LRP1B: variants seen among roughly 807,000 people sequenced by gnomAD.
The protein encoded by LRP1B is low-density lipoprotein receptor-related protein 1B.
Under a neutral mutation model 556.6 loss-of-function variants are expected in LRP1B, and 217 were observed. The observed-to-expected ratio is 0.39, with a 90% CI of 0.35 to 0.44. LRP1B has a LOEUF of 0.44. Among genes scored for constraint, LRP1B ranks in the 20% least tolerant of loss-of-function variants. The pLI, the probability that LRP1B is intolerant of heterozygous loss-of-function variation, is 1.00. For missense variants in LRP1B, 5,053 were observed against 5,620.8 expected (o/e 0.90, Z 3.23); for synonymous variants, 2,047 against 1,865.8 (o/e 1.10, Z -2.50).
At chr2:140,590,270 A>G (rs867962604) in intron 43 of LRP1B, among the ~76,000 whole-genome samples, 1 of 148,046 alleles carries the variant, frequency 6.8e-6, no homozygotes, top group Non-Finnish European at 1.5e-5. Context: ...TAATGTATAT[A>G]TGTATATATA....
chr2:142,044,840 G>A (rs1282400280), intron 1 of LRP1B, among the ~76,000 whole-genome samples: 1 of 151,594 alleles, frequency 6.6e-6, no homozygotes, highest in African/African-American at 2.4e-5. Context: ...ATACCTTTTA[G>A]CCTTGACCCA....
chr2:141,464,606 A>ATTTTTTTTTTTTTTTTTTTT (rs71391651), intron 3 of LRP1B, among the ~76,000 whole-genome samples: 39 of 90,528 alleles, frequency 4.3e-4, no homozygotes, highest in Non-Finnish European at 6.4e-4. Flanking sequence ...ATATATATAT[A>ATTTTTTTTTTTTTTTTTTTT]TTTTTTTAGT....
chr2:140,256,449 C>CTTT (rs764826231), intron 86 of LRP1B, among the ~76,000 whole-genome samples: 1 of 25,292 alleles, frequency 4.0e-5, no homozygotes, highest in African/African-American at 1.3e-4. Flanking sequence ...TTTTTCCTTC[C>CTTT]TTTTTTTTTT....
At chr2:141,688,304 G>A (rs551694297) in intron 2 of LRP1B, among the ~76,000 whole-genome samples, 13 of 151,704 alleles carry the variant, frequency 8.6e-5, no homozygotes, top group South Asian at 2.1e-4. Context: ...AACCGCTATT[G>A]TGCACAAAAT....
intron 43 of LRP1B, among the ~76,000 whole-genome samples, chr2:140,582,806 C>T (rs767919444): frequency 6.6e-6 from 1 of 152,114 alleles, no homozygotes; most frequent in African/African-American, 2.4e-5. Flanking sequence ...GAAGCATAAA[C>T]GGACTAAGAT....
At chr2:141,052,249 T>A (rs1186620131) in intron 10 of LRP1B, among the ~76,000 whole-genome samples, 1 of 151,986 alleles carries the variant, frequency 6.6e-6, no homozygotes, top group Non-Finnish European at 1.5e-5. Context: ...AATAATACTT[T>A]ATATTATTTT....
chr2:141,207,512 GTTA>G (rs1368747766), intron 6 of LRP1B, among the ~76,000 whole-genome samples: 2 of 152,080 alleles, frequency 1.3e-5, no homozygotes, highest in East Asian at 1.9e-4. Context: ...CTTTGTTGCT[GTTA>G]TTGTTTTCAG....
chr2:140,649,706 T>C (rs1316345448), intron 41 of LRP1B, among the ~76,000 whole-genome samples: 12 of 152,222 alleles, frequency 7.9e-5, no homozygotes, highest in Admixed American at 7.9e-4. Flanking sequence ...ATCACATTGG[T>C]TCCTCCTCAC....
chr2:141,083,244 T>A (rs895993383), intron 7 of LRP1B, among the ~76,000 whole-genome samples: 3 of 152,136 alleles, frequency 2.0e-5, no homozygotes, highest in Non-Finnish European at 4.4e-5. Context: ...ATTACTGTTG[T>A]TTGAGAAGTA....
intron 3 of LRP1B, among the ~76,000 whole-genome samples, chr2:141,301,307 T>C (rs1382537553): frequency 1.3e-5 from 2 of 152,200 alleles, no homozygotes; most frequent in Non-Finnish European, 2.9e-5. Context: ...TCTAGTTTTA[T>C]ATCTTGATCT....
At chr2:140,540,887 T>C (rs756771630) in intron 45 of LRP1B, 86 bp downstream of exon 45, 101 of 1,429,082 alleles carry the variant, frequency 7.1e-5, no homozygotes, top group Middle Eastern at 1.8e-4. Flanking sequence ...AGAGTATAAC[T>C]TCATGAATAC....
At chr2:140,657,582 TATAC>T (rs1423649204) in intron 41 of LRP1B, among the ~76,000 whole-genome samples, 8 of 47,348 alleles carry the variant, frequency 1.7e-4, no homozygotes, top group African/African-American at 3.2e-4. Flanking sequence ...CATACATATA[TATAC>T]ATACATACAT....
intron 77 of LRP1B, among the ~76,000 whole-genome samples, chr2:140,336,196 C>A (rs1318891234): frequency 6.6e-6 from 1 of 151,838 alleles, no homozygotes; most frequent in Non-Finnish European, 1.5e-5. Context: ...TAAAATGTAA[C>A]AAAGAATCAT....
At chr2:141,759,123 C>G (rs1338375050) in intron 2 of LRP1B, among the ~76,000 whole-genome samples, 1 of 151,802 alleles carries the variant, frequency 6.6e-6, no homozygotes, top group Non-Finnish European at 1.5e-5. Context: ...GTTTTCAATC[C>G]CCAGTAGAAT....
chr2:141,978,179 C>T (rs1318413909), intron 1 of LRP1B, among the ~76,000 whole-genome samples: 2 of 152,050 alleles, frequency 1.3e-5, no homozygotes, highest in Non-Finnish European at 2.9e-5. Flanking sequence ...GAACTTATCT[C>T]CTTATCTCTC....
intron 79 of LRP1B, among the ~76,000 whole-genome samples, chr2:140,328,506 A>G (rs2105070633): frequency 6.6e-6 from 1 of 152,078 alleles, no homozygotes; most frequent in South Asian, 2.1e-4. Context: ...AGAAAACAAA[A>G]TATTATGTGA....
intron 22 of LRP1B, among the ~76,000 whole-genome samples, chr2:140,906,646 TGTTG>T (rs1694262237): frequency 6.6e-6 from 1 of 152,106 alleles, no homozygotes; most frequent in Non-Finnish European, 1.5e-5. Flanking sequence ...AATTTAAGCT[TGTTG>T]AAGTCTAGTT....
chr2:141,609,999 G>A (rs988552736), intron 2 of LRP1B, among the ~76,000 whole-genome samples: 1 of 152,022 alleles, frequency 6.6e-6, no homozygotes, highest in Non-Finnish European at 1.5e-5. Flanking sequence ...TGTACACCAG[G>A]GATATTTTGG....
chr2:140,650,335 T>G (rs112695975), intron 41 of LRP1B, among the ~76,000 whole-genome samples: 8,713 of 147,876 alleles, frequency 0.059, 319 homozygotes, highest in Admixed American at 0.079. Flanking sequence ...ATTTATTTAT[T>G]TATTTATTTA....
Sources: allele counts gnomAD v4.1 joint callset (sites outside exome capture counted in the v4.1 genomes callset), GRCh38; gene constraint gnomAD v4.1.1; transcripts MANE v1.5; gene names NCBI Gene and HGNC (gene_info 2026-07-23, HGNC 2026-07-21).